Variants in DLG1 observed in about 807,000 individuals in gnomAD.
DLG1 encodes the protein discs large MAGUK scaffold protein 1.
In DLG1, 42 loss-of-function variants were observed where a neutral mutation model predicts 123.4. The ratio of observed to expected loss-of-function variants is 0.34; its 90% CI spans 0.27 to 0.44. The LOEUF is 0.44. Ranked by LOEUF, DLG1 falls within the 20% of genes least tolerant of loss-of-function variation. The pLI is 1.00. For missense variants in DLG1, 942 were observed against 1,082.6 expected (o/e 0.87, Z 1.82); for synonymous variants, 317 against 356.2 (o/e 0.89, Z 1.24).
intron 13 of DLG1, among the ~76,000 whole-genome samples, chr3:197,105,931 A>G (rs1482939662): frequency 6.6e-6 from 1 of 152,188 alleles, no homozygotes; most frequent in Non-Finnish European, 1.5e-5. Flanking sequence ...TTACACAAAA[A>G]CTTGTTTTGT....
chr3:197,290,627 G>A (rs1361226093), intron 3 of DLG1, among the ~76,000 whole-genome samples: 1 of 152,086 alleles, frequency 6.6e-6, no homozygotes, highest in Admixed American at 6.6e-5. Context: ...AAGTAAGAGT[G>A]GAAGGAACTG....
chr3:197,101,790 ATTATTT>A (rs755677063), intron 14 of DLG1, among the ~76,000 whole-genome samples: 6 of 151,070 alleles, frequency 4.0e-5, no homozygotes, highest in Admixed American at 6.6e-5. Context: ...CCCATGTTCG[ATTATTT>A]TTATTTTTAT....
intron 5 of DLG1, among the ~76,000 whole-genome samples, chr3:197,164,304 G>A (rs905055219): frequency 7.2e-5 from 11 of 152,190 alleles, no homozygotes; most frequent in Non-Finnish European, 1.3e-4. Context: ...GGCTGAGACA[G>A]GAGAATTGCT....
intron 6 of DLG1, among the ~76,000 whole-genome samples, chr3:197,148,260 A>AAAAAAAAAAAAAAAAAAAAAAC (rs1792029112): frequency 6.9e-6 from 1 of 144,878 alleles, no homozygotes; most frequent in Non-Finnish European, 1.5e-5. Context: ...AAAAAAAAAA[A>AAAAAAAAAAAAAAAAAAAAAAC]ATAGCCAGTC....
At chr3:197,103,581 G>T (rs183616894) in intron 14 of DLG1, among the ~76,000 whole-genome samples, 1,635 of 151,414 alleles carry the variant, frequency 0.011, 29 homozygotes, top group African/African-American at 0.038. Context: ...TGGTTAATGT[G>T]AATTAATATT....
intron 5 of DLG1, among the ~76,000 whole-genome samples, chr3:197,153,972 T>C (rs1237288378): frequency 6.6e-6 from 1 of 152,074 alleles, no homozygotes; most frequent in Non-Finnish European, 1.5e-5. Context: ...ATAAGTGGCT[T>C]ATTAAAAAAA....
rs555897955 is a variant in DLG1 at position 197,279,247 on chromosome 3, C to A, written c.318+3432G>T. Among the ~76,000 whole-genome samples the A allele has an allele frequency of 2.3e-3, 345 of 152,254 alleles. 1 individual carries two copies. The highest frequency in any genetic ancestry group is 7.8e-3 in the African/African-American group (325 of 41,534). On this transcript the variant is annotated intron_variant, in intron 4 of 24. Coordinates refer to ENST00000667157, the MANE Select transcript of DLG1 (RefSeq NM_001366207.1). Reference sequence around the variant, plus strand: ...AGTAGCAATTAAATCCCCAAACATTCCAGGTTTTTTAAAAAATCATTATAA... The same window carrying A: ...AGTAGCAATTAAATCCCCAAACATTACAGGTTTTTTAAAAAATCATTATAA...
At chr3:197,175,918 T>C (rs1324130684) in intron 5 of DLG1, among the ~76,000 whole-genome samples, 13 of 152,188 alleles carry the variant, frequency 8.5e-5, no homozygotes, top group Non-Finnish European at 7.4e-5. Flanking sequence ...TCAGTCACTT[T>C]TCAGCACTGT....
intron 5 of DLG1, among the ~76,000 whole-genome samples, chr3:197,177,879 A>C (rs1306717227): frequency 1.3e-5 from 2 of 152,130 alleles, no homozygotes; most frequent in Non-Finnish European, 2.9e-5. Context: ...TGCTAAATAA[A>C]GTGTGATGCG....
intron 6 of DLG1, among the ~76,000 whole-genome samples, chr3:197,144,467 C>T (rs1789662164): frequency 2.0e-5 from 3 of 152,304 alleles, no homozygotes; most frequent in Non-Finnish European, 1.5e-5. Flanking sequence ...CCCTAACCCA[C>T]ACCATGTAAA....
rs757276289 is a variant in DLG1, at chr3:197,270,016, G to A, written c.318+12663C>T. Among the ~76,000 whole-genome samples the A allele has an allele frequency of 4.9e-4, 75 of 152,034 alleles. No homozygotes were observed. The Middle Eastern group carries it at 0.024, about 48-fold the overall frequency. The stretch of plus-strand genomic sequence containing the variant: ...CTCAAATTTTATTTTACCAGTTCTG[G>A]GGCAAAAGGCTAAAGTTGGAAGAAT... On this transcript the variant is annotated intron_variant, in intron 4 of 24. Transcript: ENST00000667157.
chr3:197,114,987 GAAAAAAAAA>G (rs375841391), intron 13 of DLG1, among the ~76,000 whole-genome samples: 3 of 86,076 alleles, frequency 3.5e-5, no homozygotes, highest in African/African-American at 1.5e-4. Context: ...CCATCTCAAG[GAAAAAAAAA>G]AAAAAAAAAA....
At chr3:197,055,493 G>A (rs906966895) in intron 23 of DLG1, among the ~76,000 whole-genome samples, 4 of 152,024 alleles carry the variant, frequency 2.6e-5, no homozygotes, top group Non-Finnish European at 5.9e-5. Flanking sequence ...CCTTTCCCAG[G>A]GTTTGCTGTT....
intron 4 of DLG1, among the ~76,000 whole-genome samples, chr3:197,276,436 T>C (rs1766463660): frequency 6.6e-6 from 1 of 152,242 alleles, no homozygotes; most frequent in Non-Finnish European, 1.5e-5. Context: ...CTCCTATTTA[T>C]TTAATCTCTG....
intron 4 of DLG1, among the ~76,000 whole-genome samples, chr3:197,270,137 G>A (rs545578560): frequency 1.3e-5 from 2 of 152,142 alleles, no homozygotes; most frequent in African/African-American, 4.8e-5. Context: ...ATCGTTATGC[G>A]TGGATTCTAG....
At position 197,211,487 on chromosome 3, in the gene DLG1, C is replaced by A. The variant is rs1731246074; in HGVS notation, c.319-16898G>T. On this transcript the variant is annotated intron_variant, in intron 4 of 24. Coordinates refer to ENST00000667157, the MANE Select transcript of DLG1 (RefSeq NM_001366207.1). ...CCCGGGATGCAAGGCTGGTTCAATA[C>A]ACGCCAATCAATAAATGTGATTCAT... Among the ~76,000 whole-genome samples, 2 of 146,540 alleles carry A rather than the reference C, an allele frequency of 1.4e-5. 1 individual carries two copies. Among genetic ancestry groups the A allele is most frequent in the Admixed American group, 1.4e-4 (2 of 14,594 alleles).
chr3:197,193,918 C>T (rs1721026658), intron 5 of DLG1, among the ~76,000 whole-genome samples: 1 of 151,690 alleles, frequency 6.6e-6, no homozygotes, highest in African/African-American at 2.4e-5. Context: ...CTCCCAGGCT[C>T]AAGTGATTCT....
chr3:197,157,400 A>AT (rs1796839683), intron 5 of DLG1, among the ~76,000 whole-genome samples: 2 of 152,234 alleles, frequency 1.3e-5, no homozygotes, highest in Non-Finnish European at 2.9e-5. Context: ...TAAAATGGAA[A>AT]TTAAGAAAAC....
intron 5 of DLG1, among the ~76,000 whole-genome samples, chr3:197,170,581 T>C (rs944120521): frequency 5.3e-5 from 8 of 152,192 alleles, no homozygotes; most frequent in African/African-American, 1.9e-4. Context: ...TCTCTTTTAA[T>C]AGGACTGTTT....
Sources: allele counts gnomAD v4.1 joint callset (sites outside exome capture counted in the v4.1 genomes callset), GRCh38; gene constraint gnomAD v4.1.1; transcripts MANE v1.5; gene names NCBI Gene and HGNC (gene_info 2026-07-23, HGNC 2026-07-21).